Variants in GRM3 observed in about 807,000 individuals in gnomAD.
GRM3 encodes the protein metabotropic glutamate receptor 3.
A neutral mutation model predicts 70.5 loss-of-function variants in GRM3; 26 were observed. That is an observed-to-expected ratio of 0.37 (90% CI 0.27 to 0.51). The LOEUF (loss-of-function observed/expected upper bound fraction) is 0.51, where lower values mean the gene tolerates loss of function less well. Among genes scored for constraint, GRM3 ranks in the 20% least tolerant of loss-of-function variants. The probability of loss-of-function intolerance (pLI) is 0.93; values close to 1 mark genes in which losing one functional copy is unlikely to be tolerated. For missense variants in GRM3, 859 were observed against 1,123.8 expected, an observed-to-expected ratio of 0.76 and a Z score of 3.37; for synonymous variants, 443 against 434.9, an observed-to-expected ratio of 1.02 and a Z score of -0.23.
chr7:86,720,828 A>T (rs1471515445), intron 1 of GRM3, among the ~76,000 whole-genome samples: 1 of 152,090 alleles, frequency 6.6e-6, no homozygotes, highest in African/African-American at 2.4e-5. Flanking sequence ...GAAGCACCTA[A>T]CTATGGAGCA....
In GRM3 at chr7:86,691,635, C is replaced by T. The variant is rs561160322; in HGVS notation, c.-141+46763C>T. ...CAGGGCCTAATGAGAAGTGATTAGA[C>T]ATTAGAGCTCTTGTGAATGGATTAA... is the stretch of plus-strand genomic sequence containing the variant. On this transcript the variant is annotated intron_variant, in intron 1 of 5. Transcript: ENST00000361669. Among the ~76,000 whole-genome samples, 4 of 152,278 alleles carry T rather than the reference C, an allele frequency of 2.6e-5. No homozygotes were observed. The East Asian group carries it at 5.8e-4, about 22-fold the overall frequency.
intron 1 of GRM3, among the ~76,000 whole-genome samples, chr7:86,688,793 GATAT>G (rs1794627308): frequency 6.9e-6 from 1 of 145,592 alleles, no homozygotes; most frequent in African/African-American, 2.5e-5. Flanking sequence ...TGAGAGATAT[GATAT>G]ATATCTCTCA....
chr7:86,773,128 C>A (rs1021253178), intron 2 of GRM3, among the ~76,000 whole-genome samples: 2 of 151,962 alleles, frequency 1.3e-5, no homozygotes, highest in Non-Finnish European at 2.9e-5. Flanking sequence ...CAGTGGGTAG[C>A]TTTTCAGCCC....
intron 1 of GRM3, among the ~76,000 whole-genome samples, chr7:86,702,878 T>C (rs1794974806): frequency 6.6e-6 from 1 of 151,950 alleles, no homozygotes; most frequent in African/African-American, 2.4e-5. Flanking sequence ...CTTTGAGACG[T>C]TAGAGTTACC....
intron 1 of GRM3, among the ~76,000 whole-genome samples, chr7:86,758,165 C>T (rs1343699810): frequency 6.6e-6 from 1 of 152,074 alleles, no homozygotes; most frequent in Non-Finnish European, 1.5e-5. Context: ...ATTCACTATG[C>T]AGAATACTCT....
At chr7:86,757,782 T>C (rs1796383497) in intron 1 of GRM3, among the ~76,000 whole-genome samples, 1 of 152,198 alleles carries the variant, frequency 6.6e-6, no homozygotes, top group Non-Finnish European at 1.5e-5. Flanking sequence ...CATGTGTTTT[T>C]TTTTCTGTCA....
At chr7:86,760,226 C>T (rs958817168) in intron 1 of GRM3, among the ~76,000 whole-genome samples, 6 of 151,912 alleles carry the variant, frequency 3.9e-5, no homozygotes, top group Admixed American at 2.0e-4. Flanking sequence ...TTTCCGACAC[C>T]GAGTCCCTGA....
At chr7:86,843,765 G>C (rs990570914) in intron 4 of GRM3, among the ~76,000 whole-genome samples, 1 of 152,124 alleles carries the variant, frequency 6.6e-6, no homozygotes, top group African/African-American at 2.4e-5. Context: ...CAGTCTAGTG[G>C]AGAATGAGGT....
At chr7:86,750,464 A>T (rs1796203592) in intron 1 of GRM3, among the ~76,000 whole-genome samples, 1 of 152,052 alleles carries the variant, frequency 6.6e-6, no homozygotes, top group Non-Finnish European at 1.5e-5. Context: ...CAGACTTGGA[A>T]ACATATGCTG....
chr7:86,793,890 GA>G (rs1307840813), intron 3 of GRM3, among the ~76,000 whole-genome samples: 1 of 151,882 alleles, frequency 6.6e-6, no homozygotes, highest in East Asian at 1.9e-4. Context: ...CTGTGAGGCA[GA>G]AAAAAGTAAT....
At chr7:86,656,216 G>T (rs925426897) in intron 1 of GRM3, among the ~76,000 whole-genome samples, 3 of 149,278 alleles carry the variant, frequency 2.0e-5, no homozygotes, top group African/African-American at 4.9e-5. Flanking sequence ...TTATTTCCTA[G>T]CCTGGAGTAA....
At chr7:86,653,241 T>C (rs1003879033) in intron 1 of GRM3, among the ~76,000 whole-genome samples, 1 of 152,204 alleles carries the variant, frequency 6.6e-6, no homozygotes, top group Non-Finnish European at 1.5e-5. Flanking sequence ...TGATGGCCTT[T>C]TGTAAACCTG....
intron 5 of GRM3, among the ~76,000 whole-genome samples, chr7:86,852,515 T>C (rs762719853): frequency 6.6e-6 from 1 of 152,170 alleles, no homozygotes; most frequent in Non-Finnish European, 1.5e-5. Context: ...TTATTCAGTA[T>C]GCTAATCTGA....
chr7:86,765,214 A>G lies in GRM3; in HGVS notation c.69A>G (p.Leu23=). Residue 23 remains leucine, a synonymous_variant, in exon 2 of 6, where the codon TTA becomes TTG. Transcript: ENST00000361669. ...TTTCAAAGGGATTTTTACTCTCTTTAGGGGACCATAACTTTCTAAGGAGAG... is the reference window on the plus strand; with the variant it reads ...TTTCAAAGGGATTTTTACTCTCTTTGGGGGACCATAACTTTCTAAGGAGAG... ...ALFSKGFLLS[L]GDHNFLRREI... 6.2e-7 allele frequency: 1 copy of G among 1,613,018 alleles called. No homozygotes were observed. The highest frequency in any genetic ancestry group is 8.5e-7 in the Non-Finnish European group (1 of 1,179,548).
chr7:86,860,851 T>G (rs1224538029), intron 5 of GRM3, among the ~76,000 whole-genome samples: 2 of 152,096 alleles, frequency 1.3e-5, no homozygotes, highest in African/African-American at 4.8e-5. Context: ...ACTCTAAGAG[T>G]GCACTCCAAA....
At chr7:86,787,151 C>A in intron 3 of GRM3, 35 bp downstream of exon 3, 3 of 1,527,580 alleles carry the variant, frequency 2.0e-6, no homozygotes, top group South Asian at 1.2e-5. Context: ...TTCTCAGATG[C>A]AAACAAGTGA....
intron 3 of GRM3, among the ~76,000 whole-genome samples, chr7:86,830,162 T>C (rs910813637): frequency 5.9e-5 from 9 of 152,158 alleles, no homozygotes; most frequent in African/African-American, 1.9e-4. Flanking sequence ...CCTCTACCTA[T>C]AGAGAACATA....
At chr7:86,743,568 A>C (rs757656) in intron 1 of GRM3, among the ~76,000 whole-genome samples, 60,964 of 152,018 alleles carry the variant, frequency 0.4, 15,229 homozygotes, top group African/African-American at 0.71. Context: ...CCTAACCCAA[A>C]GCCATCCCTG....
chr7:86,673,657 C>A (rs918267249), intron 1 of GRM3, among the ~76,000 whole-genome samples: 1 of 151,544 alleles, frequency 6.6e-6, no homozygotes, highest in African/African-American at 2.4e-5. Context: ...TTCCTTAATC[C>A]CTATCTCCTC....
Sources: allele counts gnomAD v4.1 joint callset (sites outside exome capture counted in the v4.1 genomes callset), GRCh38; gene constraint gnomAD v4.1.1; transcripts MANE v1.5; gene names NCBI Gene and HGNC (gene_info 2026-07-23, HGNC 2026-07-21).